The following INVS variants were observed in gnomAD, a reference collection of about 807,000 sequenced individuals.
The protein encoded by INVS is inversin.
INVS carries 86 observed loss-of-function variants against 108.8 expected under a neutral mutation model. The observed-to-expected ratio is 0.79, with a 90% CI of 0.66 to 0.95. INVS has a LOEUF of 0.95. INVS is among the 40% of genes least tolerant of loss of function. INVS has a pLI of 0.00. For synonymous variants in INVS, 455 were observed against 473.5 expected, an observed-to-expected ratio of 0.96 and a Z score of 0.51; for missense variants, 1,169 against 1,297.4, an observed-to-expected ratio of 0.90 and a Z score of 1.52.
intron 3 of INVS, among the ~76,000 whole-genome samples, chr9:100,168,631 C>T (rs899484853): frequency 2.6e-5 from 4 of 152,072 alleles, no homozygotes; most frequent in Non-Finnish European, 5.9e-5. Flanking sequence ...GTTGGGTAAC[C>T]CTGTCAGCCT....
At chr9:100,162,100 TATA>T (rs1365550351) in intron 3 of INVS, among the ~76,000 whole-genome samples, 2 of 152,160 alleles carry the variant, frequency 1.3e-5, no homozygotes, top group Non-Finnish European at 2.9e-5. Flanking sequence ...GACTAAATGG[TATA>T]ATAATAAGTA....
intron 5 of INVS, among the ~76,000 whole-genome samples, chr9:100,234,629 A>G (rs1831620898): frequency 6.6e-6 from 1 of 152,186 alleles, no homozygotes; most frequent in South Asian, 2.1e-4. Flanking sequence ...TTTGCTCAGT[A>G]GTCATTCAGG....
At position 100,288,624 on chromosome 9, in the gene INVS, C is replaced by CT. The variant is rs559798430; in HGVS notation, c.2069-3688dup. On this transcript the variant is annotated intron_variant, in intron 13 of 16. Transcript: ENST00000262457. Reference sequence around the variant, plus strand: ...CTTAATAAAGGGTTGTACAACCATACTTTTTTTTTTTTTTAAGACAGGGTC... The same window carrying CT: ...CTTAATAAAGGGTTGTACAACCATACTTTTTTTTTTTTTTTAAGACAGGGTC... 3.4e-3 allele frequency among the ~76,000 whole-genome samples: 480 copies of CT among 142,820 alleles called. 2 individuals carry two copies. The highest frequency in any genetic ancestry group is 0.011 in the Middle Eastern group (3 of 284). 93.7% of individuals were successfully genotyped at this position (142,820 alleles called of 152,430 possible). A position where few individuals can be genotyped will look rare whatever the true frequency, so the allele number is the denominator to read the frequency against.
At position 100,100,672 on chromosome 9, in the gene INVS, G is replaced by A. The variant is rs868543889; in HGVS notation, c.-25+1256G>A. Among the ~76,000 whole-genome samples, 5 of 16,200 alleles carry A rather than the reference G, an allele frequency of 3.1e-4. 1 individual carries two copies. The highest frequency in any genetic ancestry group is 2.5e-3 in the African/African-American group (5 of 1,996). The allele number at this position is 16,200 out of a possible 152,430, so 10.6% of individuals were successfully genotyped here. A position where few individuals can be genotyped will look rare whatever the true frequency, so the allele number is the denominator to read the frequency against. On this transcript the variant is annotated intron_variant, in intron 1 of 16. Coordinates refer to ENST00000262457, the MANE Select transcript of INVS (RefSeq NM_014425.5). ...TATATATAATATATATATTATATAT[G>A]TACATATAATATATATATTATATAT...
chr9:100,175,461 T>C, intron 3 of INVS: 1 of 872,802 alleles, frequency 1.1e-6, no homozygotes, highest in Non-Finnish European at 1.9e-6. Flanking sequence ...CACCCAGCTG[T>C]GTGTACTCAG....
intron 10 of INVS, among the ~76,000 whole-genome samples, chr9:100,259,086 G>C (rs1159633718): frequency 6.6e-6 from 1 of 152,182 alleles, no homozygotes; most frequent in Non-Finnish European, 1.5e-5. Context: ...TTCCTGGCCG[G>C]CCGCTTTGTT....
intron 3 of INVS, among the ~76,000 whole-genome samples, chr9:100,225,339 CG>C (rs147404198): frequency 0.17 from 25,969 of 151,946 alleles, 3,294 homozygotes; most frequent in African/African-American, 0.36. Context: ...TGAGCCACCA[CG>C]CCCGGCCCTG....
chr9:100,103,807 T>C (rs928856876), intron 1 of INVS, among the ~76,000 whole-genome samples: 4 of 152,036 alleles, frequency 2.6e-5, no homozygotes, highest in Non-Finnish European at 5.9e-5. Flanking sequence ...TGTCTTGGCC[T>C]CACAAAGTGC....
intron 11 of INVS, among the ~76,000 whole-genome samples, chr9:100,266,945 C>A (rs113977000): frequency 1.4e-4 from 21 of 147,906 alleles, no homozygotes; most frequent in African/African-American, 5.2e-4. Context: ...TTTTCTAGAA[C>A]CAACCCCTTT....
intron 2 of INVS, chr9:100,117,307 A>G (rs1328814712): frequency 2.7e-5 from 20 of 729,318 alleles, no homozygotes; most frequent in Non-Finnish European, 4.5e-5. Context: ...GCACCGGCGT[A>G]ACCTTCAAAA....
intron 3 of INVS, among the ~76,000 whole-genome samples, chr9:100,207,052 T>C (rs1588088413): frequency 6.6e-6 from 1 of 152,320 alleles, no homozygotes; most frequent in East Asian, 1.9e-4. Flanking sequence ...TAATTTTGGA[T>C]TATTCACTTG....
At chr9:100,295,839 C>T (rs1379662486) in intron 14 of INVS, among the ~76,000 whole-genome samples, 2 of 152,176 alleles carry the variant, frequency 1.3e-5, no homozygotes, top group Non-Finnish European at 2.9e-5. Flanking sequence ...TCTGTGCCCA[C>T]AAGAGCAGAA....
At chr9:100,158,345 A>G (rs139981519) in intron 3 of INVS, among the ~76,000 whole-genome samples, 13 of 152,344 alleles carry the variant, frequency 8.5e-5, no homozygotes, top group African/African-American at 2.2e-4. Context: ...ATAACTTTCA[A>G]TGACAGAGTT....
chr9:100,231,361 T>G (rs1831506684), intron 5 of INVS, among the ~76,000 whole-genome samples: 1 of 146,574 alleles, frequency 6.8e-6, no homozygotes, highest in African/African-American at 2.6e-5. Context: ...GTTCTTAGAT[T>G]TTTTTTATTA....
At chr9:100,106,348 A>G (rs1221765339) in intron 2 of INVS, among the ~76,000 whole-genome samples, 3 of 152,028 alleles carry the variant, frequency 2.0e-5, no homozygotes, top group African/African-American at 7.3e-5. Context: ...TGATTACTAT[A>G]TCTTCAACCT....
At chr9:100,230,199 GAAAC>G (rs1462173096) in intron 5 of INVS, among the ~76,000 whole-genome samples, 1 of 152,068 alleles carries the variant, frequency 6.6e-6, no homozygotes, top group Non-Finnish European at 1.5e-5. Flanking sequence ...AAATAATAAT[GAAAC>G]AACAAATACT....
At chr9:100,242,245 C>T (rs1018713677) in intron 6 of INVS, among the ~76,000 whole-genome samples, 1 of 152,174 alleles carries the variant, frequency 6.6e-6, no homozygotes, top group African/African-American at 2.4e-5. Context: ...ACCTTCCCCT[C>T]CTTTGCTTTA....
chr9:100,145,909 A>C (rs544320961), intron 3 of INVS, among the ~76,000 whole-genome samples: 155 of 152,264 alleles, frequency 1.0e-3, no homozygotes, highest in African/African-American at 3.6e-3. Context: ...TTGAAAGGAG[A>C]AAGTGGTTGA....
At chr9:100,252,870 T>G in intron 9 of INVS, 37 bp from the exon 10 acceptor site, 1 of 1,425,818 alleles carries the variant, frequency 7.0e-7, no homozygotes, top group South Asian at 1.2e-5. Flanking sequence ...AAAAGCTATT[T>G]ATATTAGACA....
Sources: gnomAD v4.1 joint callset for allele counts (sites outside exome capture counted in the v4.1 genomes callset) on GRCh38, gnomAD v4.1.1 for gene constraint, MANE v1.5 for transcripts, NCBI Gene and HGNC (gene_info 2026-07-23, HGNC 2026-07-21) for gene names.